AFAP1L2: variants seen among roughly 807,000 people sequenced by gnomAD.
AFAP1L2 encodes the protein actin filament-associated protein 1-like 2.
In AFAP1L2, 46 loss-of-function variants were observed where a neutral mutation model predicts 99.3. The ratio of observed to expected loss-of-function variants is 0.46; its 90% confidence interval spans 0.37 to 0.59. The LOEUF (loss-of-function observed/expected upper bound fraction) is 0.59. Ranked by LOEUF, AFAP1L2 falls within the 20% of genes least tolerant of loss-of-function variation. The pLI, the probability that AFAP1L2 is intolerant of heterozygous loss-of-function variation, is 0.00. For missense variants in AFAP1L2, 959 were observed against 1,034.9 expected (o/e 0.93, Z 1.01); for synonymous variants, 397 against 419.1 (o/e 0.95, Z 0.64).
chr10:114,327,147 T>TTATATTTATATATATATATATATATA (rs1554902751), intron 4 of AFAP1L2, among the ~76,000 whole-genome samples: 19 of 54,570 alleles, frequency 3.5e-4, no homozygotes, highest in Non-Finnish European at 7.8e-4. Context: ...TTATATATAT[T>TTATATTTATATATATATATATATATA]TATATATATA....
chr10:114,288,398 A>T, the AFAP1L2 span, among the ~76,000 whole-genome samples: 1 of 152,210 alleles, frequency 6.6e-6, no homozygotes, highest in Non-Finnish European at 1.5e-5. Flanking sequence ...TCCATACAGC[A>T]TCTAATTAGT....
intron 12 of AFAP1L2, chr10:114,301,997 C>G (rs750444496): frequency 3.5e-6 from 1 of 287,246 alleles, no homozygotes; most frequent in Non-Finnish European, 6.7e-6. Flanking sequence ...TGCTTTTCTC[C>G]AGGGTGTGCT....
intron 1 of AFAP1L2, among the ~76,000 whole-genome samples, chr10:114,380,695 C>T (rs2055492931): frequency 6.6e-6 from 1 of 152,162 alleles, no homozygotes; most frequent in African/African-American, 2.4e-5. Context: ...TTAGATTATA[C>T]AGAATAGACC....
At chr10:114,385,108 G>T (rs1211559783) in intron 1 of AFAP1L2, among the ~76,000 whole-genome samples, 2 of 152,174 alleles carry the variant, frequency 1.3e-5, no homozygotes, top group African/African-American at 4.8e-5. Context: ...GGCAGTGAAG[G>T]TGGGTGTGAT....
At chr10:114,389,375 G>A (rs1345157124) in intron 1 of AFAP1L2, among the ~76,000 whole-genome samples, 1 of 152,192 alleles carries the variant, frequency 6.6e-6, no homozygotes, top group Non-Finnish European at 1.5e-5. Context: ...GTGGGGAGAG[G>A]GAGTGTATCA....
At chr10:114,372,719 G>A (rs1439343839) in intron 1 of AFAP1L2, among the ~76,000 whole-genome samples, 1 of 151,932 alleles carries the variant, frequency 6.6e-6, no homozygotes, top group Non-Finnish European at 1.5e-5. Context: ...CATATGCAAT[G>A]AAAATTTCCC....
At chr10:114,384,333 C>T (rs534810642) in intron 1 of AFAP1L2, among the ~76,000 whole-genome samples, 18 of 151,580 alleles carry the variant, frequency 1.2e-4, no homozygotes, top group Non-Finnish European at 1.6e-4. Context: ...GTCCCCCCCC[C>T]GCTGCAAGTG....
intron 1 of AFAP1L2, among the ~76,000 whole-genome samples, chr10:114,399,398 G>T (rs146496476): frequency 4.9e-4 from 75 of 152,312 alleles, no homozygotes; most frequent in African/African-American, 1.6e-3. Flanking sequence ...GAGTTTAACT[G>T]AGCAGGTAGT....
chr10:114,299,802 A>T (rs771831024), intron 15 of AFAP1L2, among the ~76,000 whole-genome samples: 2 of 152,164 alleles, frequency 1.3e-5, no homozygotes, highest in East Asian at 3.9e-4. Context: ...ACATGGAAGG[A>T]CTTGACTTGC....
At position 114,351,573 on chromosome 10, in the gene AFAP1L2, G is replaced by A. The variant is rs147757454; in HGVS notation, c.17-10842C>T. On this transcript the variant is annotated intron_variant, in intron 1 of 18. Transcript: ENST00000304129. Reference sequence around the variant, plus strand: ...CACCACTCTGAGGTTGGAGTCAACCGGGGGGAGGCACGCGAGGCTGATTAG... The same window carrying A: ...CACCACTCTGAGGTTGGAGTCAACCAGGGGGAGGCACGCGAGGCTGATTAG... Among the ~76,000 whole-genome samples, 366 of 152,268 alleles carry A rather than the reference G, an allele frequency of 2.4e-3. 2 individuals are homozygous for A. Among genetic ancestry groups the A allele is most frequent in the Admixed American group, 5.2e-3 (79 of 15,298 alleles).
intron 2 of AFAP1L2, among the ~76,000 whole-genome samples, chr10:114,336,102 C>T (rs2047931479): frequency 6.6e-6 from 1 of 152,210 alleles, no homozygotes; most frequent in African/African-American, 2.4e-5. Flanking sequence ...CTCACACTGG[C>T]CACTTCATGA....
chr10:114,365,672 G>A (rs1287067269), intron 1 of AFAP1L2, among the ~76,000 whole-genome samples: 3 of 151,708 alleles, frequency 2.0e-5, no homozygotes, highest in African/African-American at 7.3e-5. Flanking sequence ...GGATCTAAGG[G>A]GAAGCCTTTC....
rs561661664 is a variant in AFAP1L2, at chr10:114,384,214, C to G, written c.16+20226G>C. Among the ~76,000 whole-genome samples the G allele has an allele frequency of 2.0e-5, 3 of 152,328 alleles. No individual in the cohort carries two copies. In the East Asian group the frequency reaches 5.8e-4, roughly 29 times the overall value. ...CATCATTCACTCTGATTATTCAGGA[C>G]CTTTCTTGGCAGCCACGAATCCCAT... On this transcript the variant is annotated intron_variant, in intron 1 of 18. Transcript: ENST00000304129.
In AFAP1L2 at chr10:114,323,192, G is replaced by T. The variant is rs1309633364; in HGVS notation, c.385C>A (p.Pro129Thr). The change falls in exon 5 of 19, where the codon CCA becomes ACA. Residue 129 changes from proline to threonine, a missense_variant. Physicochemically the swap from Pro to Thr is conservative, Grantham distance 38. Around this residue, in one of 2 missense-constraint regions of AFAP1L2, gnomAD observed 383 missense variants for 472.8 expected, o/e 0.81. Coordinates refer to ENST00000304129, the MANE Select transcript of AFAP1L2 (RefSeq NM_001001936.3). ...GTACCATTGAGGGATGTGTCATATG[G>T]CTCAGCCTCTTCATAGTAGCCCTCT... The part of the protein sequence containing the change: ...SPEGYYEEAE[P>T]YDTSLNEDGE... 2 of 1,599,542 alleles carry T rather than the reference G, an allele frequency of 1.3e-6. No individual in the cohort carries two copies. Among genetic ancestry groups the T allele is most frequent in the Non-Finnish European group, 1.7e-6 (2 of 1,172,102 alleles).
intron 5 of AFAP1L2, among the ~76,000 whole-genome samples, chr10:114,321,537 C>T (rs2045319848): frequency 6.6e-6 from 1 of 152,210 alleles, no homozygotes; most frequent in African/African-American, 2.4e-5. Context: ...CCATCTCATT[C>T]CTGGTCCTGC....
intron 1 of AFAP1L2, chr10:114,363,238 T>A: frequency 1.1e-6 from 1 of 940,256 alleles, no homozygotes; most frequent in Non-Finnish European, 1.3e-6. Flanking sequence ...GTTGCATCTC[T>A]TGGATGGTCC....
intron 10 of AFAP1L2, among the ~76,000 whole-genome samples, chr10:114,307,047 T>C (rs947923460): frequency 6.6e-6 from 1 of 151,652 alleles, no homozygotes; most frequent in South Asian, 2.1e-4. Context: ...TGACCCCCAA[T>C]GTGGGACCCG....
At chr10:114,291,004 C>A (rs896081130), downstream of AFAP1L2, among the ~76,000 whole-genome samples, 1 of 152,036 alleles carries the variant, frequency 6.6e-6, no homozygotes, top group African/African-American at 2.4e-5. Context: ...CCAGTCGGAG[C>A]CTTGGTTTTT....
intron 1 of AFAP1L2, among the ~76,000 whole-genome samples, chr10:114,346,724 C>T (rs2049639503): frequency 6.6e-6 from 1 of 152,202 alleles, no homozygotes; most frequent in Admixed American, 6.5e-5. Flanking sequence ...ACTGTAGGCC[C>T]TTGTGCAGGC....
Sources: allele counts gnomAD v4.1 joint callset (sites outside exome capture counted in the v4.1 genomes callset), GRCh38; gene constraint gnomAD v4.1.1; regional missense constraint gnomAD v4.1.1; transcripts MANE v1.5; gene names NCBI Gene and HGNC (gene_info 2026-07-23, HGNC 2026-07-21).